The following VWF variants were observed in gnomAD, a reference collection of about 807,000 sequenced individuals.
VWF encodes von Willebrand factor, also known as Factor VIII related antigen.
A neutral mutation model predicts 308.6 loss-of-function variants in VWF; 176 were observed. The ratio of observed to expected loss-of-function variants is 0.57; its 90% CI spans 0.50 to 0.65. The LOEUF (loss-of-function observed/expected upper bound fraction) is 0.65. VWF is among the 30% of genes least tolerant of loss of function. The pLI, the probability that VWF is intolerant of heterozygous loss-of-function variation, is 0.00. For synonymous variants in VWF, 1,385 were observed against 1,443.4 expected, an observed-to-expected ratio of 0.96 and a Z score of 0.92; for missense variants, 3,146 against 3,648.2, an observed-to-expected ratio of 0.86 and a Z score of 3.55.
At chr12:6,035,550 G>C (rs1296094923) in intron 19 of VWF, among the ~76,000 whole-genome samples, 1 of 152,170 alleles carries the variant, frequency 6.6e-6, no homozygotes, top group East Asian at 1.9e-4. Flanking sequence ...CAAAGGCAGG[G>C]TGAATGAGCA....
intron 2 of VWF, chr12:6,122,560 T>C: frequency 3.1e-6 from 1 of 320,716 alleles, no homozygotes. Context: ...GACTCACCTG[T>C]GGGCAGTAGC....
intron 8 of VWF, among the ~76,000 whole-genome samples, 195 bp downstream of exon 8, chr12:6,073,424 T>C (rs1210894777): frequency 6.6e-6 from 1 of 152,142 alleles, no homozygotes; most frequent in African/African-American, 2.4e-5. Flanking sequence ...ATGGATACAG[T>C]ACAACAGGAC....
rs1944447425 is a variant in VWF, at chr12:6,046,439, C to A, written c.2281+284G>T. ...GCTATCCACTGGGTTAAGGTCTCCA[C>A]GGGCAAAATAGGGGTCTCATAGAAT... is the stretch of plus-strand genomic sequence containing the variant. On this transcript the variant is annotated intron_variant, in intron 17 of 51. Coordinates refer to ENST00000261405, the MANE Select transcript of VWF (RefSeq NM_000552.5). The surrounding 1 kb of genome is among the most constrained non-coding windows in gnomAD (Gnocchi z 5.0). Among the ~76,000 whole-genome samples, 1 of 152,232 alleles carries A rather than the reference C, an allele frequency of 6.6e-6. No individual in the cohort carries two copies. The highest frequency in any genetic ancestry group is 2.4e-5 in the African/African-American group (1 of 41,454).
At chr12:6,090,946 C>T (rs1229998836) in intron 6 of VWF, among the ~76,000 whole-genome samples, 6 of 152,182 alleles carry the variant, frequency 3.9e-5, no homozygotes, top group African/African-American at 1.4e-4. Context: ...GAGGAAACTC[C>T]TCCCTTCCAC....
At chr12:6,080,400 T>C (rs188575020) in intron 6 of VWF, among the ~76,000 whole-genome samples, 2 of 152,358 alleles carry the variant, frequency 1.3e-5, no homozygotes, top group African/African-American at 2.4e-5. Flanking sequence ...GCCTGAAGAC[T>C]TGGTTCTCAC....
At chr12:6,073,870 C>T (rs961633796) in intron 7 of VWF, 129 bp from the exon 8 acceptor site, 4 of 1,436,324 alleles carry the variant, frequency 2.8e-6, no homozygotes, top group Admixed American at 3.9e-5. Context: ...GCTTCCAGGT[C>T]CTTCTCACCC....
Position 5,994,131 on chromosome 12 carries a change from A to G in VWF, c.6329T>C (p.Leu2110Pro). The change falls in exon 37 of 52, where the codon CTT becomes CCT. Residue 2110 changes from leucine (L) to proline (P), a missense_variant. By Grantham distance (98) the Leu-to-Pro change is moderately conservative. Transcript: ENST00000261405. ...CCGCTGCACAGTCCATTCCTGAACA[A>G]GTGTTTTCCAGTCTGTGGTGACTGT... The part of the protein sequence containing the change: ...DGTVTTDWKT[L>P]VQEWTVQRPG... The G allele has an allele frequency of 6.2e-7, 1 of 1,614,176 alleles. No homozygotes were observed. The highest frequency in any genetic ancestry group is 8.5e-7 in the Non-Finnish European group (1 of 1,180,018).
chr12:6,096,817 T>C (rs1458957466), intron 5 of VWF, among the ~76,000 whole-genome samples: 1 of 152,170 alleles, frequency 6.6e-6, no homozygotes, highest in Non-Finnish European at 1.5e-5. Context: ...CTTTGCAGTA[T>C]TGGGATGAGC....
intron 10 of VWF, among the ~76,000 whole-genome samples, chr12:6,069,852 G>A (rs1437705335): frequency 6.6e-6 from 1 of 152,200 alleles, no homozygotes; most frequent in Non-Finnish European, 1.5e-5. Flanking sequence ...GTCTGCCCCA[G>A]AAAACAGTCC....
At chr12:6,076,523 A>G (rs559381792) in intron 6 of VWF, among the ~76,000 whole-genome samples, 106 of 151,888 alleles carry the variant, frequency 7.0e-4, no homozygotes, top group African/African-American at 1.8e-3. Context: ...TATGATCCCC[A>G]TGATTTCTTT....
Position 6,046,596 on chromosome 12 carries a change from G to T in VWF, c.2281+127C>A. On this transcript the variant is annotated intron_variant, in intron 17 of 51. Transcript: ENST00000261405. The surrounding 1 kb of genome is among the most constrained non-coding windows in gnomAD (Gnocchi z 5.0). ...CCCAGAAATGAAGGCGATCCTGGGC[G>T]AAGCCAGACCCATGCCTGGGTGCAC... 1.0e-6 allele frequency: 1 copy of T among 954,558 alleles called. No individual in the cohort carries two copies. Among genetic ancestry groups the T allele is most frequent in the Non-Finnish European group, 1.7e-6 (1 of 602,040 alleles). The allele number at this position is 954,558 out of a possible 1,614,324, so 59.1% of individuals were successfully genotyped here. A position where few individuals can be genotyped will look rare whatever the true frequency, so the allele number is the denominator to read the frequency against.
At chr12:5,982,435 G>T (rs541578830) in intron 41 of VWF, among the ~76,000 whole-genome samples, 1 of 152,092 alleles carries the variant, frequency 6.6e-6, no homozygotes, top group South Asian at 2.1e-4. Context: ...CTTTAGGTCC[G>T]CCAGCAATCA....
At chr12:6,048,032 C>T (rs569972570) in intron 16 of VWF, among the ~76,000 whole-genome samples, 1 of 152,344 alleles carries the variant, frequency 6.6e-6, no homozygotes, top group African/African-American at 2.4e-5. Flanking sequence ...CAGTCTATGC[C>T]TTACAAAAGC....
chr12:6,064,123 C>G, intron 12 of VWF, 123 bp downstream of exon 12: 1 of 1,516,372 alleles, frequency 6.6e-7, no homozygotes, highest in African/African-American at 1.4e-5. Context: ...AAAAATAACT[C>G]TCCATCACAT....
intron 40 of VWF, among the ~76,000 whole-genome samples, chr12:5,984,520 A>C (rs1433601415): frequency 1.3e-5 from 2 of 152,256 alleles, no homozygotes; most frequent in Admixed American, 6.5e-5. Flanking sequence ...AGCAATAAAC[A>C]CACTGGACAG....
At chr12:6,035,603 G>A (rs1405056571) in intron 19 of VWF, among the ~76,000 whole-genome samples, 2 of 152,090 alleles carry the variant, frequency 1.3e-5, no homozygotes, top group Non-Finnish European at 2.9e-5. Flanking sequence ...AAAGGGAGAA[G>A]GCAACCAGCC....
chr12:6,032,510 C>T (rs1201927483), intron 20 of VWF, among the ~76,000 whole-genome samples: 5 of 148,410 alleles, frequency 3.4e-5, no homozygotes, highest in South Asian at 2.1e-4. Context: ...TGGTGGCGGG[C>T]GCCTGTAGTC....
chr12:6,016,239 A>G lies in VWF; in HGVS notation c.5312-7T>C. ...GCAAAGCCCAAGGCATCCCCTGAGG[A>G]TGGAGAACAGATCACGCCAAGTCAG... On this transcript the variant is annotated splice_region_variant and splice_polypyrimidine_tract_variant and intron_variant, in intron 30 of 51. Coordinates refer to ENST00000261405, the MANE Select transcript of VWF (RefSeq NM_000552.5). 1 of 1,614,230 alleles carries G rather than the reference A, an allele frequency of 6.2e-7. No homozygotes were observed. The highest frequency in any genetic ancestry group is 8.5e-7 in the Non-Finnish European group (1 of 1,180,038).
intron 12 of VWF, 60 bp downstream of exon 12, chr12:6,064,186 G>A (rs1490296150): frequency 4.3e-6 from 7 of 1,612,994 alleles, no homozygotes; most frequent in Non-Finnish European, 5.9e-6. Flanking sequence ...GGTTGAGAAG[G>A]AGGGTGCTAA....
Sources: gnomAD v4.1 joint callset for allele counts (sites outside exome capture counted in the v4.1 genomes callset) on GRCh38, gnomAD v4.1.1 for gene constraint, Gnocchi (gnomAD v3.1) non-coding constraint, MANE v1.5 for transcripts, NCBI Gene and HGNC (gene_info 2026-07-23, HGNC 2026-07-21) for gene names.